CPT2: variants seen among roughly 807,000 people sequenced by gnomAD.
CPT2 encodes carnitine palmitoyltransferase 2.
In CPT2, 37 loss-of-function variants were observed where a neutral mutation model predicts 48.6. The ratio of observed to expected loss-of-function variants is 0.76; its 90% CI spans 0.59 to 1.00. CPT2 has a LOEUF of 1.00. Among genes scored for constraint, CPT2 ranks in the 50% least tolerant of loss-of-function variants. The pLI is 0.00. For synonymous variants in CPT2, 319 were observed against 326.9 expected, an observed-to-expected ratio of 0.98 and a Z score of 0.26; for missense variants, 772 against 825.6, an observed-to-expected ratio of 0.94 and a Z score of 0.80.
At chr1:53,206,048 G>C (rs1334260128) in intron 3 of CPT2, among the ~76,000 whole-genome samples, 1 of 152,100 alleles carries the variant, frequency 6.6e-6, no homozygotes, top group Non-Finnish European at 1.5e-5. Context: ...GCCGGGTGTG[G>C]TGGCGTGCAC....
intron 3 of CPT2, among the ~76,000 whole-genome samples, chr1:53,204,730 G>A (rs955677112): frequency 1.3e-5 from 2 of 152,136 alleles, no homozygotes; most frequent in African/African-American, 4.8e-5. Flanking sequence ...ATTGGATCAT[G>A]GGGGCAGTTT....
At position 53,196,864 on chromosome 1, in the gene CPT2, C is replaced by A. The variant is rs1472932987; in HGVS notation, c.-80C>A. 4 of 1,507,404 alleles carry A rather than the reference C, an allele frequency of 2.7e-6. No homozygotes were observed. The Admixed American group carries it at 6.0e-5, about 23-fold the overall frequency. The allele number at this position is 1,507,404 out of a possible 1,614,324, so 93.4% of individuals were successfully genotyped here. A position where few individuals can be genotyped will look rare whatever the true frequency, so the allele number is the denominator to read the frequency against. On this transcript the variant is annotated 5_prime_UTR_variant, in exon 1 of 5. Coordinates refer to ENST00000371486, the MANE Select transcript of CPT2 (RefSeq NM_000098.3). ...GAGTCCTGACGCAGTGTCTTGGGCG[C>A]TAACGGCGGCGGCGGCCTTGTGTTT... is the stretch of plus-strand genomic sequence containing the variant.
Position 53,213,692 on chromosome 1 carries a change from G to C in CPT2, c.*97G>C. 3.5e-6 allele frequency: 4 copies of C among 1,137,576 alleles called. No individual in the cohort carries two copies. In the South Asian group the frequency reaches 5.2e-5, roughly 15 times the overall value. 70.5% of individuals were successfully genotyped at this position (1,137,576 alleles called of 1,614,324 possible). ...GCCTGTAATCCCAGCATTTTGAGAG[G>C]CTGAGGCGGGTGGATCACTTGAGGT... On this transcript the variant is annotated 3_prime_UTR_variant, in exon 5 of 5. Coordinates refer to ENST00000371486, the MANE Select transcript of CPT2 (RefSeq NM_000098.3).
rs987834263 is a variant in CPT2 at position 53,209,650 on chromosome 1, C to G, written c.341-365C>G. 4.4e-5 allele frequency: 13 copies of G among 293,650 alleles called. No individual in the cohort carries two copies. The Admixed American group carries it at 6.4e-4, about 14-fold the overall frequency. 18.2% of individuals were successfully genotyped at this position (293,650 alleles called of 1,614,324 possible). A position where few individuals can be genotyped will look rare whatever the true frequency, so the allele number is the denominator to read the frequency against. Reference sequence around the variant, plus strand: ...AATTATCTGGGCATGGTGGAGGACGCCTGTAATCCCAGCTACTCAGGAGGC... The same window carrying G: ...AATTATCTGGGCATGGTGGAGGACGGCTGTAATCCCAGCTACTCAGGAGGC... On this transcript the variant is annotated intron_variant, in intron 3 of 4. Transcript: ENST00000371486.
rs1412103539 is a variant in CPT2, at chr1:53,213,326, T to C, written c.1708T>C (p.Leu570=). The C allele has an allele frequency of 6.2e-7, 1 of 1,614,142 alleles. No individual in the cohort carries two copies. Among genetic ancestry groups the C allele is most frequent in the Non-Finnish European group, 8.5e-7 (1 of 1,180,058 alleles). Residue 570 remains leucine, a synonymous_variant, in exon 5 of 5, where the codon TTG becomes CTG. Coordinates refer to ENST00000371486, the MANE Select transcript of CPT2 (RefSeq NM_000098.3). ...RHLAAAKGII[L]PELYLDPAYG... Reference sequence around the variant, plus strand: ...TCTGGCAGCAGCCAAAGGGATCATCTTGCCTGAGCTCTACCTGGACCCTGC... The same window carrying C: ...TCTGGCAGCAGCCAAAGGGATCATCCTGCCTGAGCTCTACCTGGACCCTGC...
Position 53,213,737 on chromosome 1 carries a change from T to G in CPT2, c.*142T>G, listed in dbSNP as rs1256527025. 1.4e-6 allele frequency: 1 copy of G among 720,584 alleles called. No homozygotes were observed. Among genetic ancestry groups the G allele is most frequent in the African/African-American group, 1.8e-5 (1 of 56,814 alleles). 44.6% of individuals were successfully genotyped at this position (720,584 alleles called of 1,614,324 possible). ...TGAGGTCAGGAGTTTGAGACCAACC[T>G]GGCCAACATGGTGAAACCTTGTCTC... On this transcript the variant is annotated 3_prime_UTR_variant, in exon 5 of 5. Transcript: ENST00000371486.
chr1:53,205,109 G>A (rs185500595), intron 3 of CPT2, among the ~76,000 whole-genome samples: 1 of 152,230 alleles, frequency 6.6e-6, no homozygotes, highest in Non-Finnish European at 1.5e-5. Context: ...GGAGGGGTCA[G>A]AAGAAGACAG....
At chr1:53,202,246 AT>A (rs1355333387) in intron 2 of CPT2, 76 bp from the exon 3 acceptor site, 3 of 1,168,978 alleles carry the variant, frequency 2.6e-6, no homozygotes, top group African/African-American at 3.0e-5. Flanking sequence ...AAACTCTATT[AT>A]GAGTTCCTCG....
In CPT2 at chr1:53,210,263, TC is replaced by T; in HGVS notation, c.591del (p.Ser198LeufsTer49). 2 of 1,614,146 alleles carry T rather than the reference TC, an allele frequency of 1.2e-6. No homozygotes were observed. Among genetic ancestry groups the T allele is most frequent in the Non-Finnish European group, 1.7e-6 (2 of 1,180,030 alleles). On this transcript the variant is annotated frameshift_variant, in exon 4 of 5. Transcript: ENST00000371486. LOFTEE classifies it high-confidence loss of function. ...TFKRLIRFVP[S>X]SLSWYGAYLV... is the part of the protein sequence containing the mutation. ...CAAGAGACTCATACGCTTTGTGCCT[TC>T]CTCTCTGTCCTGGTATGGGGCCTAC...
chr1:53,197,168 A>G (rs570274791), intron 1 of CPT2, 73 bp downstream of exon 1: 15 of 1,512,106 alleles, frequency 9.9e-6, no homozygotes, highest in East Asian at 9.8e-5. Flanking sequence ...GCAGTCACTC[A>G]TGACTCCTCT....
chr1:53,210,523 C>T lies in CPT2; in HGVS notation c.849C>T (p.Ala283=), dbSNP rs1361146199. 1.6e-5 allele frequency: 26 copies of T among 1,614,020 alleles called. No homozygotes were observed. Among genetic ancestry groups the T allele is most frequent in the Non-Finnish European group, 2.2e-5 (26 of 1,180,040 alleles). The part of the protein sequence containing the change: ...LKYILSDSSP[A]PEFPLAYLTS... ...ACATTCTCTCAGACAGCAGCCCCGC[C>T]CCCGAGTTTCCCCTGGCATACCTGA... The change falls in exon 4 of 5, where the codon GCC becomes GCT. Residue 283 remains alanine, a synonymous_variant. Coordinates refer to ENST00000371486, the MANE Select transcript of CPT2 (RefSeq NM_000098.3).
rs773734918 is a variant in CPT2 at position 53,197,051 on chromosome 1, G to A, written c.108G>A (p.Gln36=). 1 of 1,539,066 alleles carries A rather than the reference G, an allele frequency of 6.5e-7. No homozygotes were observed. Among genetic ancestry groups the A allele is most frequent in the South Asian group, 1.2e-5 (1 of 84,044 alleles). ...SAGSGPGQYL[Q]RSIVPTMHYQ... Reference sequence around the variant, plus strand: ...GCTCCGGGCCCGGCCAGTACCTGCAGCGCAGCATCGTGCCCACCATGCACT... The same window carrying A: ...GCTCCGGGCCCGGCCAGTACCTGCAACGCAGCATCGTGCCCACCATGCACT... Residue 36 remains glutamine (Q), a synonymous_variant, in exon 1 of 5, where the codon CAG becomes CAA. Transcript: ENST00000371486.
intron 4 of CPT2, among the ~76,000 whole-genome samples, chr1:53,212,007 C>T (rs1645431960): frequency 6.6e-6 from 1 of 152,052 alleles, no homozygotes; most frequent in Non-Finnish European, 1.5e-5. Context: ...ATCCTCCTGC[C>T]TCAGCCTCCC....
Position 53,210,668 on chromosome 1 carries a change from A to G in CPT2, c.994A>G (p.Ile332Val). 6.2e-7 allele frequency: 1 copy of G among 1,614,134 alleles called. No individual in the cohort carries two copies. Among genetic ancestry groups the G allele is most frequent in the Non-Finnish European group, 8.5e-7 (1 of 1,180,012 alleles). ...CTGTCTCTGCCTAGATGACTTCCCC[A>G]TTAAGGACCTTGTCCACTTGTCCCA... ...VFCLCLDDFP[I>V]KDLVHLSHNM... The change falls in exon 4 of 5, where the codon ATT becomes GTT. Residue 332 changes from isoleucine (I) to valine (V), a missense_variant. Coordinates refer to ENST00000371486, the MANE Select transcript of CPT2 (RefSeq NM_000098.3).
Position 53,210,739 on chromosome 1 carries a change from C to T in CPT2, c.1065C>T (p.Ser355=). 2.5e-6 allele frequency: 4 copies of T among 1,614,210 alleles called. No individual in the cohort carries two copies. Among genetic ancestry groups the T allele is most frequent in the Non-Finnish European group, 3.4e-6 (4 of 1,180,034 alleles). The change falls in exon 4 of 5, where the codon TCC becomes TCT. Residue 355 remains serine (S), a synonymous_variant. Transcript: ENST00000371486. ...GDGTNRWFDK[S]FNLIIAKDGS... ...GCACAAACCGCTGGTTTGATAAATC[C>T]TTTAACCTCATTATCGCCAAGGATG...
chr1:53,210,184 T>C lies in CPT2; in HGVS notation c.510T>C (p.Leu170=), dbSNP rs893125243. ...TTCTGAAGACACTCCGGGCTGGCCTTCTGGAGCCAGAAGTGTTCCACTTGA... is the reference window on the plus strand; with the variant it reads ...TTCTGAAGACACTCCGGGCTGGCCTCCTGGAGCCAGAAGTGTTCCACTTGA... The part of the protein sequence containing the change: ...IRFLKTLRAG[L]LEPEVFHLNP... Residue 170 remains leucine, a synonymous_variant, in exon 4 of 5, where the codon CTT becomes CTC. Transcript: ENST00000371486. 15 of 1,614,024 alleles carry C rather than the reference T, an allele frequency of 9.3e-6. No homozygotes were observed. The Admixed American group carries it at 1.0e-4, about 11-fold the overall frequency.
rs2100261977 is a variant in CPT2, at chr1:53,202,437, G to A, written c.340+8G>A. On this transcript the variant is annotated splice_region_variant and intron_variant, in intron 3 of 4. Coordinates refer to ENST00000371486, the MANE Select transcript of CPT2 (RefSeq NM_000098.3). Reference sequence around the variant, plus strand: ...ATACAAGCTACATTTCGGGTAGGTAGGCTGGGCTGTGGGTATGATTTCTCC... The same window carrying A: ...ATACAAGCTACATTTCGGGTAGGTAAGCTGGGCTGTGGGTATGATTTCTCC... 1.2e-6 allele frequency: 2 copies of A among 1,605,182 alleles called. No individual in the cohort carries two copies. The highest frequency in any genetic ancestry group is 2.2e-5 in the South Asian group (2 of 90,908).
At position 53,213,474 on chromosome 1, in the gene CPT2, A is replaced by G; in HGVS notation, c.1856A>G (p.Asn619Ser). 1 of 1,614,206 alleles carries G rather than the reference A, an allele frequency of 6.2e-7. No individual in the cohort carries two copies. Among genetic ancestry groups the G allele is most frequent in the Non-Finnish European group, 8.5e-7 (1 of 1,180,042 alleles). Residue 619 changes from asparagine to serine, a missense_variant, in exon 5 of 5, where the codon AAC becomes AGC. By Grantham distance (46) the Asn-to-Ser change is conservative. Transcript: ENST00000371486. The stretch of plus-strand genomic sequence containing the variant: ...GGTGTTGGGTATGCTGTTCATGACA[A>G]CTGGATAGGCTGCAATGTCTCTTCC... ...GFGVGYAVHD[N>S]WIGCNVSSYP... is the part of the protein sequence containing the mutation.
In CPT2 at chr1:53,213,433, G is replaced by A. The variant is rs761604642; in HGVS notation, c.1815G>A (p.Val605=). The change falls in exon 5 of 5, where the codon GTG becomes GTA. Residue 605 remains valine (V), a synonymous_variant. Transcript: ENST00000371486. ...TGAACCTTGGGGGCTTTGCCCCTGTGGTCTCTGATGGCTTTGGTGTTGGGT... is the reference window on the plus strand; with the variant it reads ...TGAACCTTGGGGGCTTTGCCCCTGTAGTCTCTGATGGCTTTGGTGTTGGGT... The part of the protein sequence containing the change: ...PAVNLGGFAP[V]VSDGFGVGYA... 4.3e-6 allele frequency: 7 copies of A among 1,614,252 alleles called. No individual in the cohort carries two copies. The highest frequency in any genetic ancestry group is 1.1e-5 in the South Asian group (1 of 91,086).
Sources: gnomAD v4.1 joint callset for allele counts (sites outside exome capture counted in the v4.1 genomes callset) on GRCh38, gnomAD v4.1.1 for gene constraint, MANE v1.5 for transcripts, NCBI Gene and HGNC (gene_info 2026-07-23, HGNC 2026-07-21) for gene names.